The following LRPPRC variants were observed in gnomAD, a reference collection of about 807,000 sequenced individuals.
LRPPRC encodes leucine rich pentatricopeptide repeat containing, also known as leucine-rich PPR motif-containing protein, mitochondrial.
A neutral mutation model predicts 180.3 loss-of-function variants in LRPPRC; 120 were observed. The observed-to-expected ratio is 0.67, with a 90% CI of 0.57 to 0.77. The LOEUF is 0.77. LRPPRC is among the 30% of genes least tolerant of loss of function. The probability of loss-of-function intolerance (pLI) is 0.00; values close to 1 mark genes in which losing one functional copy is unlikely to be tolerated. For synonymous variants in LRPPRC, 723 were observed against 600.0 expected (o/e 1.21, Z -3.00); for missense variants, 2,012 against 1,657.2 (o/e 1.21, Z -3.72).
chr2:43,938,140 A>T (rs866278530), intron 23 of LRPPRC, among the ~76,000 whole-genome samples: 13 of 152,086 alleles, frequency 8.5e-5, no homozygotes, highest in Non-Finnish European at 1.3e-4. Flanking sequence ...GCTTTCACAA[A>T]TGACACTAAA....
At chr2:43,930,813 G>A (rs1345080746) in intron 25 of LRPPRC, among the ~76,000 whole-genome samples, 7 of 152,136 alleles carry the variant, frequency 4.6e-5, no homozygotes, top group Non-Finnish European at 8.8e-5. Flanking sequence ...AAAACTCAGG[G>A]TTCGTGAGTT....
chr2:43,955,830 A>G (rs1447365252), intron 14 of LRPPRC, among the ~76,000 whole-genome samples: 2 of 152,188 alleles, frequency 1.3e-5, no homozygotes, highest in Non-Finnish European at 2.9e-5. Context: ...AAAGTAATGG[A>G]AAAACAGGGT....
chr2:43,963,341 G>A lies in LRPPRC; in HGVS notation c.1488+247C>T, dbSNP rs140574844. ...TGCCTGTAATCCCAGCTACTCGGGAGGCTGAGGCAGAAGAATTGCTTGAAC... is the reference window on the plus strand; with the variant it reads ...TGCCTGTAATCCCAGCTACTCGGGAAGCTGAGGCAGAAGAATTGCTTGAAC... On this transcript the variant is annotated intron_variant, in intron 12 of 37. Coordinates refer to ENST00000260665, the MANE Select transcript of LRPPRC (RefSeq NM_133259.4). 9.1e-3 allele frequency among the ~76,000 whole-genome samples: 1,385 copies of A among 152,350 alleles called. 9 individuals carry two copies. Among genetic ancestry groups the A allele is most frequent in the Non-Finnish European group, 0.015 (998 of 68,032 alleles).
At chr2:43,919,483 G>C (rs951401111) in intron 27 of LRPPRC, among the ~76,000 whole-genome samples, 6 of 152,170 alleles carry the variant, frequency 3.9e-5, no homozygotes, top group African/African-American at 9.7e-5. Context: ...GTGATACATG[G>C]AATCTTCTTA....
intron 27 of LRPPRC, among the ~76,000 whole-genome samples, chr2:43,923,294 C>T (rs1352078848): frequency 6.7e-6 from 1 of 150,122 alleles, no homozygotes; most frequent in South Asian, 2.1e-4. Flanking sequence ...TCCTGGGCAA[C>T]ATAGTGGGAC....
intron 25 of LRPPRC, 108 bp from the exon 26 acceptor site, chr2:43,926,069 T>C (rs985869181): frequency 2.9e-6 from 2 of 698,788 alleles, no homozygotes; most frequent in Non-Finnish European, 5.2e-6. Context: ...CAAATATATA[T>C]ACTAAACTTA....
intron 12 of LRPPRC, among the ~76,000 whole-genome samples, chr2:43,962,223 G>C (rs1382519865): frequency 6.6e-6 from 1 of 152,060 alleles, no homozygotes; most frequent in Non-Finnish European, 1.5e-5. Context: ...TGCAAAGAAA[G>C]AAAACATCTG....
At chr2:43,954,154 T>G (rs956425617) in intron 14 of LRPPRC, among the ~76,000 whole-genome samples, 1 of 152,208 alleles carries the variant, frequency 6.6e-6, no homozygotes, top group African/African-American at 2.4e-5. Context: ...GATCTTATCC[T>G]TACATTTCTC....
chr2:43,954,621 C>T (rs1049279983), intron 14 of LRPPRC, among the ~76,000 whole-genome samples: 5 of 152,088 alleles, frequency 3.3e-5, no homozygotes, highest in Admixed American at 3.3e-4. Context: ...TACATTCTAG[C>T]CACTGAGGGG....
chr2:43,894,761 A>G, intron 35 of LRPPRC, 132 bp from the exon 36 acceptor site: 1 of 652,122 alleles, frequency 1.5e-6, no homozygotes, highest in Non-Finnish European at 2.8e-6. Context: ...TTAATGCACT[A>G]TTGTCCCTTG....
intron 25 of LRPPRC, among the ~76,000 whole-genome samples, chr2:43,927,807 G>C (rs1305707882): frequency 6.6e-6 from 1 of 152,134 alleles, no homozygotes; most frequent in Non-Finnish European, 1.5e-5. Context: ...GTTTCATTTT[G>C]AAATTGAGAA....
At chr2:43,947,628 T>C (rs1672736835) in intron 19 of LRPPRC, 103 bp downstream of exon 19, 2 of 791,254 alleles carry the variant, frequency 2.5e-6, no homozygotes, top group African/African-American at 3.4e-5. Context: ...GTATACAAGA[T>C]GATAAAAATG....
At chr2:43,925,029 G>A in intron 27 of LRPPRC, 38 bp downstream of exon 27, 1 of 1,181,230 alleles carries the variant, frequency 8.5e-7, no homozygotes, top group Non-Finnish European at 1.3e-6. Context: ...GCCTTCAACA[G>A]AATAAATGAA....
At chr2:43,993,706 T>C (rs62135151) in intron 1 of LRPPRC, among the ~76,000 whole-genome samples, 34,600 of 150,306 alleles carry the variant, frequency 0.23, 5,244 homozygotes, top group African/African-American at 0.43. Flanking sequence ...CAAGACAAAG[T>C]CCTGCTCTCA....
chr2:43,912,425 CACTT>C lies in LRPPRC; in HGVS notation c.3275+3_3275+6del, dbSNP rs751788546. On this transcript the variant is annotated splice_donor_5th_base_variant and intron_variant, in intron 30 of 37. Coordinates refer to ENST00000260665, the MANE Select transcript of LRPPRC (RefSeq NM_133259.4). The stretch of plus-strand genomic sequence containing the variant: ...ACAAGAGGTTTAATAAATGGACTAA[CACTT>C]ACAATGCTTTCACTTCCATTGCTTG... 11 of 1,608,506 alleles carry C rather than the reference CACTT, an allele frequency of 6.8e-6. No individual in the cohort carries two copies. The highest frequency in any genetic ancestry group is 2.2e-5 in the East Asian group (1 of 44,716).
Position 43,963,616 on chromosome 2 carries a change from C to T in LRPPRC, c.1460G>A (p.Ser487Asn). The T allele has an allele frequency of 6.2e-7, 1 of 1,609,626 alleles. No individual in the cohort carries two copies. Among genetic ancestry groups the T allele is most frequent in the Non-Finnish European group, 8.5e-7 (1 of 1,176,096 alleles). The change falls in exon 12 of 38, where the codon AGT becomes AAT. Residue 487 changes from serine to asparagine, a missense_variant. Ser to Asn is a conservative substitution (Grantham distance 46, BLOSUM62 1). Transcript: ENST00000260665. ...CAAAATGGCTCGTGCTGAGTTTACA[C>T]TATCAAAGCATGGAATCACATAATC... ...YTDYVIPCFD[S>N]VNSARAILQE...
chr2:43,979,104 C>A (rs1674187273), intron 3 of LRPPRC, among the ~76,000 whole-genome samples: 1 of 151,906 alleles, frequency 6.6e-6, no homozygotes, highest in South Asian at 2.1e-4. Flanking sequence ...TTGTATTAAA[C>A]CATCTTTTTT....
At chr2:43,941,927 C>A (rs1308778616) in intron 23 of LRPPRC, among the ~76,000 whole-genome samples, 1 of 144,518 alleles carries the variant, frequency 6.9e-6, no homozygotes, top group African/African-American at 2.6e-5. Context: ...AGTAGTAAAA[C>A]ACCAATAATG....
intron 11 of LRPPRC, among the ~76,000 whole-genome samples, chr2:43,967,915 T>C (rs1056074301): frequency 1.5e-4 from 23 of 152,308 alleles, no homozygotes; most frequent in Admixed American, 1.5e-3. Context: ...CTTCTTTATA[T>C]GAAAAGATTA....
Sources: allele counts gnomAD v4.1 joint callset (sites outside exome capture counted in the v4.1 genomes callset), GRCh38; gene constraint gnomAD v4.1.1; transcripts MANE v1.5; gene names NCBI Gene and HGNC (gene_info 2026-07-23, HGNC 2026-07-21).